Variants in KCNAB1 observed in about 807,000 individuals in gnomAD.
KCNAB1 encodes the protein potassium voltage-gated channel subfamily A regulatory beta subunit 1.
KCNAB1 carries 35 observed loss-of-function variants against 64.6 expected under a neutral mutation model. That is an observed-to-expected ratio of 0.54 (90% CI 0.41 to 0.72). The LOEUF (loss-of-function observed/expected upper bound fraction) is 0.72, where lower values mean the gene tolerates loss of function less well. KCNAB1 is among the 30% of genes least tolerant of loss of function. KCNAB1 has a pLI of 0.00. For missense variants in KCNAB1, 401 were observed against 512.9 expected (o/e 0.78, Z 2.11); for synonymous variants, 177 against 183.8 (o/e 0.96, Z 0.30).
intron 13 of KCNAB1, among the ~76,000 whole-genome samples, chr3:156,532,670 G>A (rs1410282715): frequency 6.6e-6 from 1 of 152,142 alleles, no homozygotes; most frequent in Non-Finnish European, 1.5e-5. Flanking sequence ...CTGTGCAGCC[G>A]TGTAATCACC....
chr3:156,410,723 T>C (rs1302984732), intron 1 of KCNAB1, among the ~76,000 whole-genome samples: 1 of 152,234 alleles, frequency 6.6e-6, no homozygotes, highest in Non-Finnish European at 1.5e-5. Context: ...AGTGGAATCA[T>C]ACAATATTGT....
chr3:156,145,172 C>T (rs1051466442), intron 1 of KCNAB1, among the ~76,000 whole-genome samples: 11 of 152,202 alleles, frequency 7.2e-5, no homozygotes, highest in African/African-American at 2.7e-4. Context: ...GCTACCATAT[C>T]ACACCCTAGT....
chr3:156,380,673 A>G (rs1712082790), intron 1 of KCNAB1, among the ~76,000 whole-genome samples: 1 of 152,230 alleles, frequency 6.6e-6, no homozygotes, highest in Non-Finnish European at 1.5e-5. Flanking sequence ...TCAAAGATGA[A>G]TAAAATATAG....
intron 1 of KCNAB1, among the ~76,000 whole-genome samples, chr3:156,209,594 T>C (rs1714889452): frequency 6.6e-6 from 1 of 152,248 alleles, no homozygotes; most frequent in Non-Finnish European, 1.5e-5. Flanking sequence ...TTCATGTTGA[T>C]ACAGATACTT....
intron 2 of KCNAB1, among the ~76,000 whole-genome samples, chr3:156,449,085 C>T (rs976941563): frequency 1.3e-4 from 20 of 152,014 alleles, no homozygotes; most frequent in African/African-American, 4.6e-4. Flanking sequence ...GAATGACAAA[C>T]TCCAAGAAAT....
At chr3:156,291,294 C>T in intron 1 of KCNAB1, 1 of 989,742 alleles carries the variant, frequency 1.0e-6, no homozygotes, top group Non-Finnish European at 1.2e-6. Context: ...GCCCCCACGT[C>T]CTCCCGGAGC....
chr3:156,240,356 A>C (rs1215258127), intron 1 of KCNAB1, among the ~76,000 whole-genome samples: 1 of 152,042 alleles, frequency 6.6e-6, no homozygotes, highest in Non-Finnish European at 1.5e-5. Context: ...AATTAAATTA[A>C]ATCAAAATAG....
intron 1 of KCNAB1, among the ~76,000 whole-genome samples, chr3:156,390,533 T>TTTCCTTCCTTCCTTCC (rs149026130): frequency 0.017 from 2,631 of 150,920 alleles, 50 homozygotes; most frequent in African/African-American, 0.039. Flanking sequence ...TTGTGGTTGG[T>TTTCCTTCCTTCCTTCC]TTCCTTCCTT....
At chr3:156,186,116 C>G (rs1713172809) in intron 1 of KCNAB1, among the ~76,000 whole-genome samples, 1 of 152,330 alleles carries the variant, frequency 6.6e-6, no homozygotes, top group South Asian at 2.1e-4. Context: ...CAATGACCAG[C>G]CTTGCTGGGG....
At position 156,538,412 on chromosome 3, in the gene KCNAB1, T is replaced by G. The variant is rs1486007734; in HGVS notation, c.*1665T>G. 6.6e-6 allele frequency: 1 copy of G among 152,244 alleles called. No individual in the cohort carries two copies. The highest frequency in any genetic ancestry group is 1.5e-5 in the Non-Finnish European group (1 of 68,032). 9.4% of individuals were successfully genotyped at this position (152,244 alleles called of 1,614,324 possible). ...TTCTTTTTGATTACTAGTACCTGTA[T>G]TCTAACAGAGAGTTTGAATTTTTTG... is the stretch of plus-strand genomic sequence containing the variant. On this transcript the variant is annotated 3_prime_UTR_variant, in exon 14 of 14. Coordinates refer to ENST00000490337, the MANE Select transcript of KCNAB1 (RefSeq NM_172160.3).
chr3:156,312,729 A>AAAAAAAAAAAAAAAAAC (rs1560189800), intron 1 of KCNAB1, among the ~76,000 whole-genome samples: 19 of 150,094 alleles, frequency 1.3e-4, no homozygotes, highest in Non-Finnish European at 1.9e-4. Context: ...AAAAAAAAAA[A>AAAAAAAAAAAAAAAAAC]AACTCATAAT....
At chr3:156,340,262 T>G (rs1180822423) in intron 1 of KCNAB1, among the ~76,000 whole-genome samples, 1 of 152,146 alleles carries the variant, frequency 6.6e-6, no homozygotes, top group Non-Finnish European at 1.5e-5. Context: ...GACTTCTAGA[T>G]AAGCTGAAAA....
intron 1 of KCNAB1, among the ~76,000 whole-genome samples, chr3:156,205,120 T>G (rs968686649): frequency 6.6e-6 from 1 of 152,182 alleles, no homozygotes; most frequent in African/African-American, 2.4e-5. Flanking sequence ...TTGCCAACTC[T>G]GGGGTAAAGA....
intron 1 of KCNAB1, among the ~76,000 whole-genome samples, chr3:156,326,382 A>G (rs974393734): frequency 7.9e-5 from 12 of 152,204 alleles, no homozygotes; most frequent in Non-Finnish European, 1.8e-4. Flanking sequence ...ACCATATGTC[A>G]TAGAATATTG....
intron 1 of KCNAB1, among the ~76,000 whole-genome samples, chr3:156,309,805 T>TCA (rs1467951818): frequency 1.3e-5 from 2 of 152,188 alleles, no homozygotes; most frequent in African/African-American, 4.8e-5. Context: ...TTATCAAGTG[T>TCA]CACAAGCCAG....
intron 1 of KCNAB1, among the ~76,000 whole-genome samples, chr3:156,225,073 A>G (rs1716065758): frequency 6.6e-6 from 1 of 152,198 alleles, no homozygotes; most frequent in Admixed American, 6.5e-5. Flanking sequence ...CATTCTAGGA[A>G]GCCAGAATCA....
intron 1 of KCNAB1, among the ~76,000 whole-genome samples, chr3:156,143,851 C>T (rs1714879879): frequency 6.6e-6 from 1 of 151,072 alleles, no homozygotes; most frequent in African/African-American, 2.4e-5. Flanking sequence ...ATCATGTGGT[C>T]TGTACTAATA....
intron 2 of KCNAB1, among the ~76,000 whole-genome samples, chr3:156,451,845 C>T (rs1267843654): frequency 2.6e-5 from 4 of 152,066 alleles, no homozygotes; most frequent in South Asian, 2.1e-4. Flanking sequence ...CTTTCTTCTT[C>T]GTTCAGTTAA....
intron 1 of KCNAB1, among the ~76,000 whole-genome samples, chr3:156,199,042 G>T (rs1463956362): frequency 6.9e-6 from 1 of 144,562 alleles, no homozygotes; most frequent in Non-Finnish European, 1.5e-5. Context: ...GCATTTGCTT[G>T]TCTGTAAAGG....
Sources: gnomAD v4.1 joint callset for allele counts (sites outside exome capture counted in the v4.1 genomes callset) on GRCh38, gnomAD v4.1.1 for gene constraint, MANE v1.5 for transcripts, NCBI Gene and HGNC (gene_info 2026-07-23, HGNC 2026-07-21) for gene names.